TNS3: variants seen among roughly 807,000 people sequenced by gnomAD.
TNS3 encodes the protein tensin 3, also known as tensin-3.
In TNS3, 45 loss-of-function variants were observed where a neutral mutation model predicts 140.9. That is an observed-to-expected ratio of 0.32 (90% CI 0.25 to 0.41). The LOEUF (loss-of-function observed/expected upper bound fraction) is 0.41. Among genes scored for constraint, TNS3 ranks in the 10% least tolerant of loss-of-function variants. TNS3 has a pLI of 1.00. For missense variants in TNS3, 1,716 were observed against 1,906.7 expected (o/e 0.90, Z 1.86); for synonymous variants, 815 against 788.4 (o/e 1.03, Z -0.56).
At chr7:47,478,456 A>G (rs189892415) in intron 4 of TNS3, among the ~76,000 whole-genome samples, 2 of 151,974 alleles carry the variant, frequency 1.3e-5, no homozygotes, top group Admixed American at 1.3e-4. Flanking sequence ...ACATAAACTG[A>G]CATACATAAT....
At chr7:47,578,030 T>A (rs1451587974) in intron 1 of TNS3, among the ~76,000 whole-genome samples, 12 of 147,352 alleles carry the variant, frequency 8.1e-5, no homozygotes, top group Non-Finnish European at 1.6e-4. Context: ...AAAAAAAAAA[T>A]CGGCCGGGCA....
At chr7:47,506,000 G>A (rs1798403610) in intron 3 of TNS3, among the ~76,000 whole-genome samples, 3 of 152,168 alleles carry the variant, frequency 2.0e-5, no homozygotes, top group Admixed American at 2.0e-4. Flanking sequence ...GCCGAAGGCA[G>A]GGCTGGAAAT....
At chr7:47,530,428 A>ACC (rs1799350304) in intron 1 of TNS3, among the ~76,000 whole-genome samples, 1 of 152,144 alleles carries the variant, frequency 6.6e-6, no homozygotes, top group East Asian at 1.9e-4. Flanking sequence ...TGTAATGGAG[A>ACC]CTGACGGAGA....
intron 4 of TNS3, among the ~76,000 whole-genome samples, chr7:47,471,402 C>T (rs373219137): frequency 1.8e-4 from 28 of 152,304 alleles, no homozygotes; most frequent in African/African-American, 6.5e-4. Flanking sequence ...TGAAGGGCAG[C>T]CGTCCTGGGT....
intron 5 of TNS3, among the ~76,000 whole-genome samples, chr7:47,441,398 G>A (rs1415050985): frequency 2.6e-5 from 4 of 152,144 alleles, no homozygotes; most frequent in African/African-American, 4.8e-5. Flanking sequence ...GGATGGTCTC[G>A]ATTTCCTGAC....
At chr7:47,354,343 C>G (rs965770539) in intron 17 of TNS3, among the ~76,000 whole-genome samples, 4 of 152,034 alleles carry the variant, frequency 2.6e-5, no homozygotes, top group African/African-American at 9.7e-5. Flanking sequence ...CTGGGCGATC[C>G]GCCCTCCCAC....
chr7:47,565,512 G>T (rs905152176), intron 1 of TNS3, among the ~76,000 whole-genome samples: 1 of 151,696 alleles, frequency 6.6e-6, no homozygotes, highest in Admixed American at 6.6e-5. Context: ...AACTACAGGC[G>T]CACACCATAT....
At chr7:47,367,478 C>T (rs774905367) in intron 17 of TNS3, among the ~76,000 whole-genome samples, 14 of 152,244 alleles carry the variant, frequency 9.2e-5, no homozygotes, top group Non-Finnish European at 1.8e-4. Context: ...ATGTCACTGC[C>T]TGTCCACCAC....
intron 2 of TNS3, among the ~76,000 whole-genome samples, chr7:47,513,810 T>C (rs1798686946): frequency 6.6e-6 from 1 of 152,216 alleles, no homozygotes; most frequent in Non-Finnish European, 1.5e-5. Context: ...TCTCGTGGCT[T>C]TGCCTGAACA....
At chr7:47,470,730 G>T in intron 4 of TNS3, 1 of 874,232 alleles carries the variant, frequency 1.1e-6, no homozygotes, top group Non-Finnish European at 1.4e-6. Flanking sequence ...GCCGGAGTGG[G>T]TTTTTAATCA....
intron 3 of TNS3, among the ~76,000 whole-genome samples, chr7:47,486,047 AGTGTGGGT>A (rs774874574): frequency 9.6e-5 from 14 of 146,538 alleles, no homozygotes; most frequent in South Asian, 4.4e-4. Context: ...CAGGTGTGTG[AGTGTGGGT>A]GTGTGGGTGA....
chr7:47,300,520 G>A (rs559688954), intron 23 of TNS3, among the ~76,000 whole-genome samples: 42 of 152,304 alleles, frequency 2.8e-4, no homozygotes, highest in African/African-American at 9.4e-4. Flanking sequence ...GCAAACCCCC[G>A]CGGCAGGCTC....
At chr7:47,474,405 C>T (rs1322882608) in intron 4 of TNS3, among the ~76,000 whole-genome samples, 2 of 145,668 alleles carry the variant, frequency 1.4e-5, no homozygotes, top group African/African-American at 5.3e-5. Context: ...ATAAGCAACA[C>T]ATACACAAAA....
In TNS3 at chr7:47,368,507, G is replaced by A. The variant is rs137976048; in HGVS notation, c.2139C>T (p.Phe713=). 3.6e-4 allele frequency: 568 copies of A among 1,593,312 alleles called. 3 individuals are homozygous for A. The East Asian group carries it at 9.8e-3, about 27-fold the overall frequency. ...NRLILELDPT[F]EPIPTHMNAL... is the part of the protein sequence containing the mutation. ...CGTTCATGTGGGTAGGGATGGGCTC[G>A]AAGGTGGGATCCAGCTCCAGGATCA... Residue 713 remains phenylalanine, a synonymous_variant, in exon 17 of 31, where the codon TTC becomes TTT. Coordinates refer to ENST00000311160, the MANE Select transcript of TNS3 (RefSeq NM_022748.12).
intron 7 of TNS3, among the ~76,000 whole-genome samples, chr7:47,436,600 T>C (rs1795193201): frequency 6.6e-6 from 1 of 152,056 alleles, no homozygotes; most frequent in Admixed American, 6.5e-5. Flanking sequence ...AAGTAAAATT[T>C]GAAAAAATTT....
chr7:47,552,920 G>C (rs1277281912), intron 1 of TNS3, among the ~76,000 whole-genome samples: 1 of 152,260 alleles, frequency 6.6e-6, no homozygotes, highest in African/African-American at 2.4e-5. Context: ...GAAATTAAAA[G>C]TGCTGCTCCA....
chr7:47,448,142 T>C (rs770984669), intron 4 of TNS3, among the ~76,000 whole-genome samples: 2 of 152,174 alleles, frequency 1.3e-5, no homozygotes, highest in African/African-American at 2.4e-5. Flanking sequence ...CCCTTGGCTG[T>C]CACATCAACA....
chr7:47,420,994 T>C (rs1475074553), intron 10 of TNS3, among the ~76,000 whole-genome samples: 4 of 152,158 alleles, frequency 2.6e-5, no homozygotes, highest in African/African-American at 9.7e-5. Context: ...CAAATGTGCA[T>C]AGACAACATG....
intron 1 of TNS3, among the ~76,000 whole-genome samples, chr7:47,578,494 G>A (rs529999650): frequency 9.1e-4 from 138 of 151,778 alleles, no homozygotes; most frequent in Non-Finnish European, 1.8e-3. Context: ...AACTCCCAGC[G>A]AGGGTAGGAG....
Sources: allele counts gnomAD v4.1 joint callset (sites outside exome capture counted in the v4.1 genomes callset), GRCh38; gene constraint gnomAD v4.1.1; transcripts MANE v1.5; gene names NCBI Gene and HGNC (gene_info 2026-07-23, HGNC 2026-07-21).